Variants in DENND1A observed in about 807,000 individuals in gnomAD.
DENND1A encodes the protein DENN domain-containing protein 1A.
A neutral mutation model predicts 113.7 loss-of-function variants in DENND1A; 51 were observed. That is an observed-to-expected ratio of 0.45 (90% confidence interval 0.36 to 0.57). The LOEUF (loss-of-function observed/expected upper bound fraction) is 0.57, where lower values mean the gene tolerates loss of function less well. Ranked by LOEUF, DENND1A falls within the 20% of genes least tolerant of loss-of-function variation. The pLI, the probability that DENND1A is intolerant of heterozygous loss-of-function variation, is 0.00. For missense variants in DENND1A, 1,258 were observed against 1,395.9 expected (o/e 0.90, Z 1.57); for synonymous variants, 565 against 570.8 (o/e 0.99, Z 0.14).
intron 5 of DENND1A, among the ~76,000 whole-genome samples, chr9:123,728,105 C>CAA (rs1184658717): frequency 6.0e-5 from 8 of 132,926 alleles, no homozygotes; most frequent in African/African-American, 2.1e-4. Flanking sequence ...GACTCTGTCT[C>CAA]AAAAAAAAAA....
At chr9:123,922,637 A>C (rs1015866049) in intron 1 of DENND1A, among the ~76,000 whole-genome samples, 1 of 152,088 alleles carries the variant, frequency 6.6e-6, no homozygotes, top group African/African-American at 2.4e-5. Flanking sequence ...GCACATGCCT[A>C]CTTCATCAAC....
chr9:123,403,466 C>T lies in DENND1A; in HGVS notation c.1567G>A (p.Val523Ile). The T allele has an allele frequency of 4.3e-6, 7 of 1,614,174 alleles. No homozygotes were observed. Among genetic ancestry groups the T allele is most frequent in the Non-Finnish European group, 5.9e-6 (7 of 1,180,024 alleles). Reference protein sequence around the residue: ...RPVRPPRPHVVKRPKSNIAVE... With the variant: ...RPVRPPRPHVIKRPKSNIAVE... ...GCGATGTTGCTCTTTGGTCTCTTAA[C>T]AACATGTGGACGAGGTGGGCGCACC... The change falls in exon 21 of 24, where the codon GTT becomes ATT. Residue 523 changes from valine (V) to isoleucine (I), a missense_variant. Val to Ile is a conservative substitution (Grantham distance 29). Transcript: ENST00000394215.
chr9:123,457,416 T>C lies in DENND1A; in HGVS notation c.1118A>G (p.Asp373Gly), dbSNP rs758316179. 6.2e-7 allele frequency: 1 copy of C among 1,613,816 alleles called. No individual in the cohort carries two copies. Among genetic ancestry groups the C allele is most frequent in the South Asian group, 1.1e-5 (1 of 91,054 alleles). ...LFKQFIDGRL[D>G]LLNSGEGFSD... is the part of the protein sequence containing the mutation. ...GAAACCTTCGCCGGAATTGAGAAGA[T>C]CTAATCGACCATCAATAAACTATAG... The change falls in exon 15 of 24, where the codon GAT (aspartate) becomes GGT (glycine). Residue 373 changes from aspartate (D) to glycine (G), a missense_variant. Transcript: ENST00000394215.
chr9:123,846,804 A>G (rs958676987), intron 2 of DENND1A, among the ~76,000 whole-genome samples: 17 of 152,232 alleles, frequency 1.1e-4, no homozygotes, highest in Admixed American at 9.8e-4. Context: ...AGTGTTAAAC[A>G]TAATTAATAC....
In DENND1A at chr9:123,929,843, GCCGCCCCGCGCCCGGCCCGGCTCCGC is replaced by G. The variant is rs1342177850; in HGVS notation, c.17+20_17+45del. The G allele has an allele frequency of 1.7e-5, 4 of 233,518 alleles. No individual in the cohort carries two copies. The highest frequency in any genetic ancestry group is 1.0e-4 in the East Asian group (1 of 9,552). 14.5% of individuals were successfully genotyped at this position (233,518 alleles called of 1,614,324 possible). On this transcript the variant is annotated intron_variant, in intron 1 of 23. Coordinates refer to ENST00000394215, the MANE Select transcript of DENND1A (RefSeq NM_001352964.2). ...CGGCCTGCAGCCCTGGCCCGGCCTC[GCCGCCCCGCGCCCGGCCCGGCTCCGC>G]CCGGCCCGGCCGCACTCACTTGATC...
chr9:123,402,675 C>T (rs967203073), intron 21 of DENND1A: 1 of 526,128 alleles, frequency 1.9e-6, no homozygotes, highest in Non-Finnish European at 3.9e-6. Context: ...GGGCTGTGCT[C>T]CTTTTGCGGA....
At chr9:123,709,163 A>G (rs187781008) in intron 5 of DENND1A, among the ~76,000 whole-genome samples, 180 of 152,278 alleles carry the variant, frequency 1.2e-3, no homozygotes, top group African/African-American at 3.9e-3. Context: ...CCTATCAGGA[A>G]GAAGGCCTAA....
intron 1 of DENND1A, among the ~76,000 whole-genome samples, chr9:123,912,606 C>T (rs905979075): frequency 6.6e-6 from 1 of 152,148 alleles, no homozygotes; most frequent in Non-Finnish European, 1.5e-5. Context: ...TGAGGAACCC[C>T]ATCCAGCCCA....
chr9:123,598,936 C>A (rs952163715), intron 11 of DENND1A, among the ~76,000 whole-genome samples: 3 of 152,146 alleles, frequency 2.0e-5, no homozygotes, highest in Non-Finnish European at 4.4e-5. Flanking sequence ...CCAATCTGCA[C>A]CTTTTAGCTT....
chr9:123,505,958 G>A (rs2052892045), intron 13 of DENND1A, among the ~76,000 whole-genome samples: 2 of 151,910 alleles, frequency 1.3e-5, no homozygotes, highest in African/African-American at 2.4e-5. Flanking sequence ...CCTCTGTGCC[G>A]CTGCTCCTCA....
chr9:123,808,163 T>C (rs934676973), intron 2 of DENND1A, among the ~76,000 whole-genome samples: 3 of 151,592 alleles, frequency 2.0e-5, no homozygotes, highest in Non-Finnish European at 4.4e-5. Flanking sequence ...GGGTCAGAGG[T>C]TGCAGTGAGC....
At chr9:123,602,428 A>C (rs540158024) in intron 11 of DENND1A, among the ~76,000 whole-genome samples, 2 of 152,134 alleles carry the variant, frequency 1.3e-5, no homozygotes, top group Non-Finnish European at 2.9e-5. Context: ...GAACCTGTGG[A>C]TGCAGAGCGC....
chr9:123,693,455 A>G (rs1048570324), intron 5 of DENND1A, among the ~76,000 whole-genome samples: 2 of 152,162 alleles, frequency 1.3e-5, no homozygotes, highest in Admixed American at 1.3e-4. Flanking sequence ...CTTTGTGGCC[A>G]ACCTTGCCTC....
chr9:123,720,597 C>T (rs951082596), intron 5 of DENND1A, among the ~76,000 whole-genome samples: 1 of 152,216 alleles, frequency 6.6e-6, no homozygotes, highest in African/African-American at 2.4e-5. Context: ...GACACATGTT[C>T]ACCCTTCTAT....
chr9:123,797,900 G>T (rs1035548545), intron 2 of DENND1A, among the ~76,000 whole-genome samples: 1 of 151,620 alleles, frequency 6.6e-6, no homozygotes, highest in African/African-American at 2.4e-5. Flanking sequence ...CTAAAATGCA[G>T]ATTTGACTCT....
chr9:123,443,074 T>A (rs2047048104), intron 18 of DENND1A, among the ~76,000 whole-genome samples: 1 of 152,148 alleles, frequency 6.6e-6, no homozygotes, highest in South Asian at 2.1e-4. Flanking sequence ...ACAAGGTAAA[T>A]GGGATTATCC....
At chr9:123,575,160 G>A (rs2058566516) in intron 12 of DENND1A, among the ~76,000 whole-genome samples, 1 of 152,204 alleles carries the variant, frequency 6.6e-6, no homozygotes, top group African/African-American at 2.4e-5. Context: ...GGGTGGTGGA[G>A]AGGTGCAAGG....
At chr9:123,490,683 AAAC>A (rs1416286390) in intron 13 of DENND1A, among the ~76,000 whole-genome samples, 3 of 152,218 alleles carry the variant, frequency 2.0e-5, no homozygotes, top group Non-Finnish European at 4.4e-5. Flanking sequence ...ATTAAAAAAA[AAAC>A]AAGGTAAATT....
intron 3 of DENND1A, 89 bp from the exon 4 acceptor site, chr9:123,769,652 T>C (rs1351262322): frequency 3.5e-6 from 4 of 1,135,330 alleles, no homozygotes; most frequent in Non-Finnish European, 3.7e-6. Flanking sequence ...AACTTTACCC[T>C]AAAGAAAGAG....
Sources: gnomAD v4.1 joint callset for allele counts (sites outside exome capture counted in the v4.1 genomes callset) on GRCh38, gnomAD v4.1.1 for gene constraint, MANE v1.5 for transcripts, NCBI Gene and HGNC (gene_info 2026-07-23, HGNC 2026-07-21) for gene names.